The following ROBO1 variants were observed in gnomAD, a reference collection of about 807,000 sequenced individuals.
ROBO1 encodes roundabout homolog 1.
In ROBO1, 149 loss-of-function variants were observed where a neutral mutation model predicts 195.9. The observed-to-expected ratio is 0.76, with a 90% CI of 0.67 to 0.87. The LOEUF is 0.87. ROBO1 is among the 40% of genes least tolerant of loss of function. ROBO1 has a pLI of 0.00. For synonymous variants in ROBO1, 816 were observed against 733.2 expected (o/e 1.11, Z -1.82); for missense variants, 1,933 against 2,068.3 (o/e 0.93, Z 1.27).
chr3:78,606,703 T>C (rs1703478036), intron 29 of ROBO1, 30 bp downstream of exon 29: 2 of 1,603,174 alleles, frequency 1.2e-6, no homozygotes, highest in South Asian at 1.1e-5. Flanking sequence ...ACTCAATCTG[T>C]ATTTATTTGC....
intron 3 of ROBO1, among the ~76,000 whole-genome samples, chr3:79,095,228 A>C (rs2079546364): frequency 6.6e-6 from 1 of 152,038 alleles, no homozygotes. Context: ...GGTGTTGCTC[A>C]ATTTTCTCCC....
chr3:79,052,253 T>G (rs2078715181), intron 3 of ROBO1, among the ~76,000 whole-genome samples: 1 of 152,036 alleles, frequency 6.6e-6, no homozygotes, highest in Admixed American at 6.6e-5. Flanking sequence ...CAGTTGAAAA[T>G]AAGGGATGAA....
intron 4 of ROBO1, among the ~76,000 whole-genome samples, chr3:78,811,296 C>T (rs1559880678): frequency 6.6e-6 from 1 of 152,076 alleles, no homozygotes; most frequent in Non-Finnish European, 1.5e-5. Context: ...GGTTCAAGTT[C>T]AAAAAGTCTG....
At chr3:79,757,594 A>G (rs530774382) in intron 1 of ROBO1, among the ~76,000 whole-genome samples, 1 of 151,996 alleles carries the variant, frequency 6.6e-6, no homozygotes, top group Non-Finnish European at 1.5e-5. Flanking sequence ...CAGGAAGATC[A>G]CTTGAGCCCC....
rs1280482363 is a variant in ROBO1, at chr3:78,765,611, GTGAGCA to G, written c.500-18717_500-18712del. Among the ~76,000 whole-genome samples, 5 of 152,066 alleles carry G rather than the reference GTGAGCA, an allele frequency of 3.3e-5. No homozygotes were observed. In the East Asian group the frequency reaches 9.6e-4, roughly 29 times the overall value. On this transcript the variant is annotated intron_variant, in intron 4 of 30. Transcript: ENST00000464233. ...TAAAGTATATTTTTAGATTATTATG[GTGAGCA>G]CTAATATCTAACAGGCTAGCATACT...
At chr3:79,680,004 C>T (rs1946897430) in intron 1 of ROBO1, among the ~76,000 whole-genome samples, 1 of 151,920 alleles carries the variant, frequency 6.6e-6, no homozygotes, top group South Asian at 2.1e-4. Context: ...TCCAATAACC[C>T]CCAAATTTCC....
chr3:79,278,913 G>A (rs1486598806), intron 2 of ROBO1, among the ~76,000 whole-genome samples: 1 of 152,090 alleles, frequency 6.6e-6, no homozygotes, highest in African/African-American at 2.4e-5. Flanking sequence ...CCTACCAAAT[G>A]GGAGAATGTA....
At chr3:78,890,948 T>G (rs1365640737) in intron 4 of ROBO1, among the ~76,000 whole-genome samples, 1 of 151,838 alleles carries the variant, frequency 6.6e-6, no homozygotes, top group Non-Finnish European at 1.5e-5. Context: ...AGACATGGAG[T>G]CTTGTTATGT....
chr3:79,500,431 C>T (rs1269385398), intron 2 of ROBO1, among the ~76,000 whole-genome samples: 2 of 152,198 alleles, frequency 1.3e-5, no homozygotes, highest in African/African-American at 4.8e-5. Flanking sequence ...GGCTTGGCCC[C>T]AGCCGCAAGT....
chr3:79,335,547 G>A (rs1025580806), intron 2 of ROBO1, among the ~76,000 whole-genome samples: 2 of 152,144 alleles, frequency 1.3e-5, no homozygotes, highest in African/African-American at 4.8e-5. Flanking sequence ...ACCATGTGAA[G>A]AATGATATAT....
chr3:79,057,864 T>A (rs2078841812), intron 3 of ROBO1, among the ~76,000 whole-genome samples: 1 of 152,066 alleles, frequency 6.6e-6, no homozygotes, highest in Admixed American at 6.6e-5. Context: ...GAGCTACAGA[T>A]GACTGTTGCC....
At chr3:79,648,980 T>G (rs552334596) in intron 1 of ROBO1, among the ~76,000 whole-genome samples, 10 of 152,106 alleles carry the variant, frequency 6.6e-5, no homozygotes, top group Admixed American at 2.0e-4. Flanking sequence ...CACATGAAGA[T>G]ATTTTCAAAC....
intron 2 of ROBO1, among the ~76,000 whole-genome samples, chr3:79,216,942 A>G (rs1287741869): frequency 1.3e-5 from 2 of 152,066 alleles, no homozygotes; most frequent in Non-Finnish European, 2.9e-5. Context: ...GTATTTTTTA[A>G]GATATCATTA....
chr3:78,746,774 G>A lies in ROBO1; in HGVS notation c.626C>T (p.Ser209Phe). The A allele has an allele frequency of 1.3e-6, 2 of 1,572,096 alleles. No individual in the cohort carries two copies. Among genetic ancestry groups the A allele is most frequent in the Non-Finnish European group, 1.7e-6 (2 of 1,152,792 alleles). ...TCTTTCATCTTTATCATCCAGTGGA[G>A]AGCCATCTTTCTTCCATGAAATGGT... Reference protein sequence around the residue: ...EPTISWKKDGSPLDDKDERIT... With the variant: ...EPTISWKKDGFPLDDKDERIT... The change falls in exon 5 of 31, where the codon TCT becomes TTT. Residue 209 changes from serine to phenylalanine, a missense_variant. By Grantham distance (155) the Ser-to-Phe change is radical (BLOSUM62 -2). Around this residue, in one of 3 missense-constraint regions of ROBO1, gnomAD observed 1,737 missense variants for 1,882.5 expected, o/e 0.92. Coordinates refer to ENST00000464233, the MANE Select transcript of ROBO1 (RefSeq NM_002941.4).
At chr3:79,134,067 C>T (rs1485757672) in intron 2 of ROBO1, among the ~76,000 whole-genome samples, 2 of 148,432 alleles carry the variant, frequency 1.3e-5, no homozygotes, top group Non-Finnish European at 3.0e-5. Flanking sequence ...AGCTTCTGCA[C>T]AGCAAAAGAA....
intron 3 of ROBO1, among the ~76,000 whole-genome samples, chr3:79,070,902 C>T (rs1238088388): frequency 1.3e-5 from 2 of 151,566 alleles, no homozygotes; most frequent in East Asian, 4.0e-4. Context: ...TTTATACTGA[C>T]TTTTAAAATT....
intron 3 of ROBO1, among the ~76,000 whole-genome samples, chr3:78,942,163 G>A (rs1348928899): frequency 6.6e-6 from 1 of 152,002 alleles, no homozygotes; most frequent in Admixed American, 6.6e-5. Flanking sequence ...TTAGCCAGGT[G>A]TATGATGCAC....
rs537368077 is a variant in ROBO1, at chr3:79,709,712, C to T, written c.-51+58040G>A. On this transcript the variant is annotated intron_variant, in intron 1 of 30. Coordinates refer to ENST00000464233, the MANE Select transcript of ROBO1 (RefSeq NM_002941.4). ...CAATGTTTGTGTCCCTCCGCCTGCC[C>T]CAAATTCAAATGTTGAAACCGAATC... 3.4e-4 allele frequency among the ~76,000 whole-genome samples: 52 copies of T among 151,076 alleles called. No individual in the cohort carries two copies. In the South Asian group the frequency reaches 3.9e-3, roughly 11 times the overall value.
At chr3:79,665,685 G>A (rs1376440464) in intron 1 of ROBO1, among the ~76,000 whole-genome samples, 3 of 151,848 alleles carry the variant, frequency 2.0e-5, no homozygotes, top group Non-Finnish European at 4.4e-5. Flanking sequence ...TGAAGGATTT[G>A]AGTGAAAAAA....
Sources: allele counts gnomAD v4.1 joint callset (sites outside exome capture counted in the v4.1 genomes callset), GRCh38; gene constraint gnomAD v4.1.1; regional missense constraint gnomAD v4.1.1; transcripts MANE v1.5; gene names NCBI Gene and HGNC (gene_info 2026-07-23, HGNC 2026-07-21).